Variants in ENOX1 observed in about 807,000 individuals in gnomAD.
The protein encoded by ENOX1 is candidate growth-related and time keeping constitutive hydroquinone (NADH) oxidase.
In ENOX1, 42 loss-of-function variants were observed where a neutral mutation model predicts 82.5. The observed-to-expected ratio is 0.51, with a 90% confidence interval of 0.40 to 0.66. ENOX1 has a LOEUF of 0.66. Among genes scored for constraint, ENOX1 ranks in the 30% least tolerant of loss-of-function variants. ENOX1 has a pLI of 0.00. For synonymous variants in ENOX1, 271 were observed against 282.2 expected, an observed-to-expected ratio of 0.96 and a Z score of 0.40; for missense variants, 608 against 811.6, an observed-to-expected ratio of 0.75 and a Z score of 3.05.
At chr13:43,499,252 C>CA (rs2076896078) in intron 2 of ENOX1, among the ~76,000 whole-genome samples, 1 of 150,206 alleles carries the variant, frequency 6.7e-6, no homozygotes, top group African/African-American at 2.4e-5. Flanking sequence ...GATCCTGGAA[C>CA]AAAAAAGGGA....
At chr13:43,383,995 C>T (rs915505251) in intron 5 of ENOX1, among the ~76,000 whole-genome samples, 4 of 152,198 alleles carry the variant, frequency 2.6e-5, no homozygotes, top group African/African-American at 4.8e-5. Context: ...TGAGACTGAT[C>T]GGCAGTGAAG....
At chr13:43,550,190 T>C (rs573210132) in intron 2 of ENOX1, among the ~76,000 whole-genome samples, 1 of 152,298 alleles carries the variant, frequency 6.6e-6, no homozygotes, top group South Asian at 2.1e-4. Context: ...TGCAGCCTTG[T>C]TCCTAACAGG....
At chr13:43,227,453 T>C (rs371893558) in intron 15 of ENOX1, among the ~76,000 whole-genome samples, 20 of 152,326 alleles carry the variant, frequency 1.3e-4, no homozygotes, top group African/African-American at 4.6e-4. Flanking sequence ...TATTAGTCTA[T>C]TATTGATAAA....
At chr13:43,677,044 A>C (rs2153794345) in intron 1 of ENOX1, among the ~76,000 whole-genome samples, 1 of 151,826 alleles carries the variant, frequency 6.6e-6, no homozygotes, top group East Asian at 2.0e-4. Context: ...CCCTTCAACA[A>C]GGCCTTATCT....
At chr13:43,749,392 G>A (rs909747057) in intron 1 of ENOX1, among the ~76,000 whole-genome samples, 2 of 152,168 alleles carry the variant, frequency 1.3e-5, no homozygotes, top group Non-Finnish European at 2.9e-5. Context: ...TTATTTTATG[G>A]CAACAGATCT....
intron 2 of ENOX1, among the ~76,000 whole-genome samples, chr13:43,617,408 C>G (rs1382941402): frequency 6.6e-6 from 1 of 152,156 alleles, no homozygotes; most frequent in Non-Finnish European, 1.5e-5. Flanking sequence ...ATTTACAGTA[C>G]AATCAAAAGA....
At position 43,632,659 on chromosome 13, in the gene ENOX1, T is replaced by C. The variant is rs1003156504; in HGVS notation, c.-219+34820A>G. Among the ~76,000 whole-genome samples, 15 of 152,102 alleles carry C rather than the reference T, an allele frequency of 9.9e-5. No homozygotes were observed. In the East Asian group the frequency reaches 2.5e-3, roughly 25 times the overall value. On this transcript the variant is annotated intron_variant, in intron 2 of 16. Transcript: ENST00000690772. ...ATGGAGTTTCACCATGTTGGGTAGG[T>C]TGGTCTCGAACTCTTGACCTCAGGT...
At chr13:43,536,535 G>A (rs1012623073) in intron 2 of ENOX1, among the ~76,000 whole-genome samples, 4 of 135,856 alleles carry the variant, frequency 2.9e-5, no homozygotes, top group African/African-American at 5.6e-5. Context: ...GACTATTTAG[G>A]AAGCAGGGAG....
At chr13:43,586,697 A>G (rs151005159) in intron 2 of ENOX1, among the ~76,000 whole-genome samples, 163 of 152,274 alleles carry the variant, frequency 1.1e-3, no homozygotes, top group African/African-American at 3.7e-3. Context: ...TTACTTTCAG[A>G]ATTAGCAGTT....
At chr13:43,582,123 T>G (rs191144957) in intron 2 of ENOX1, among the ~76,000 whole-genome samples, 53 of 152,188 alleles carry the variant, frequency 3.5e-4, no homozygotes, top group Admixed American at 3.3e-3. Flanking sequence ...CATGATACAA[T>G]AAAACTATCA....
intron 5 of ENOX1, among the ~76,000 whole-genome samples, chr13:43,397,612 A>T (rs1450897180): frequency 1.3e-5 from 2 of 152,236 alleles, no homozygotes; most frequent in African/African-American, 4.8e-5. Flanking sequence ...CCTTCCCTTT[A>T]AAGAAAAAGA....
chr13:43,628,516 A>C (rs778851092), intron 2 of ENOX1, among the ~76,000 whole-genome samples: 4 of 151,976 alleles, frequency 2.6e-5, no homozygotes, highest in Non-Finnish European at 4.4e-5. Flanking sequence ...TTTTGCATTT[A>C]TTTCAAGTGT....
At chr13:43,396,070 C>T (rs902605902) in intron 5 of ENOX1, among the ~76,000 whole-genome samples, 7 of 152,202 alleles carry the variant, frequency 4.6e-5, no homozygotes, top group Non-Finnish European at 7.4e-5. Context: ...CTGCTCTTTT[C>T]CAAAGATTGC....
chr13:43,549,445 A>G (rs138713649), intron 2 of ENOX1, among the ~76,000 whole-genome samples: 1 of 152,362 alleles, frequency 6.6e-6, no homozygotes, highest in East Asian at 1.9e-4. Flanking sequence ...AAGTCCCTCT[A>G]TTCAACAAAA....
chr13:43,308,089 G>A (rs1218500283), intron 11 of ENOX1, among the ~76,000 whole-genome samples: 1 of 152,212 alleles, frequency 6.6e-6, no homozygotes. Context: ...CCTAGAGGTA[G>A]AGAAAGGCAG....
chr13:43,557,554 C>T lies in ENOX1; in HGVS notation c.-218-73402G>A, dbSNP rs9533524. 1.5e-3 allele frequency among the ~76,000 whole-genome samples: 227 copies of T among 152,246 alleles called. 1 individual carries two copies. The highest frequency in any genetic ancestry group is 3.4e-3 in the Middle Eastern group (1 of 294). On this transcript the variant is annotated intron_variant, in intron 2 of 16. Transcript: ENST00000690772. ...GGTCTAAATGGAACCTAGTGTCTTG[C>T]TGGTTCAGGAGCCTCATTCTGGCCT...
intron 3 of ENOX1, among the ~76,000 whole-genome samples, chr13:43,435,276 A>G (rs2055949886): frequency 6.6e-6 from 1 of 152,180 alleles, no homozygotes; most frequent in Non-Finnish European, 1.5e-5. Flanking sequence ...TAACCTCACC[A>G]CTGGGAAGCA....
At position 43,465,337 on chromosome 13, in the gene ENOX1, C is replaced by T. The variant is rs192534382; in HGVS notation, c.-75+18672G>A. Among the ~76,000 whole-genome samples the T allele has an allele frequency of 1.9e-3, 296 of 152,284 alleles. 2 individuals carry two copies. Among genetic ancestry groups the T allele is most frequent in the Middle Eastern group, 0.014 (4 of 294 alleles). ...TTATACTTTCGGTTATAATCAAATA[C>T]CATGTTATTTATTTTGTGGCTCAAA... On this transcript the variant is annotated intron_variant, in intron 3 of 16. Coordinates refer to ENST00000690772, the MANE Select transcript of ENOX1 (RefSeq NM_001347969.2).
Position 43,298,502 on chromosome 13 carries a change from T to A in ENOX1, c.1290A>T (p.Lys430Asn), listed in dbSNP as rs1452862924. The change falls in exon 12 of 17, where the codon AAA becomes AAT. Residue 430 changes from lysine to asparagine, a missense_variant. By Grantham distance (94) the Lys-to-Asn change is moderately conservative. Coordinates refer to ENST00000690772, the MANE Select transcript of ENOX1 (RefSeq NM_001347969.2). ...SALAAQAYAL[K>N]EENDSLRWQL... Reference sequence around the variant, plus strand: ...GCCAGCGGAGACTGTCATTCTCCTCTTTCAGAGCGTAGGCCTGGGCAGCCA... The same window carrying A: ...GCCAGCGGAGACTGTCATTCTCCTCATTCAGAGCGTAGGCCTGGGCAGCCA... 6.2e-7 allele frequency: 1 copy of A among 1,613,664 alleles called. No individual in the cohort carries two copies. The highest frequency in any genetic ancestry group is 8.5e-7 in the Non-Finnish European group (1 of 1,179,936).
Sources: allele counts gnomAD v4.1 joint callset (sites outside exome capture counted in the v4.1 genomes callset), GRCh38; gene constraint gnomAD v4.1.1; transcripts MANE v1.5; gene names NCBI Gene and HGNC (gene_info 2026-07-23, HGNC 2026-07-21).